The following NPHP3 variants were observed in gnomAD, a reference collection of about 807,000 sequenced individuals.
NPHP3 encodes nephrocystin 3.
A neutral mutation model predicts 171.9 loss-of-function variants in NPHP3; 123 were observed. The observed-to-expected ratio is 0.72, with a 90% CI of 0.62 to 0.83. NPHP3 has a LOEUF of 0.83. Ranked by LOEUF, NPHP3 falls within the 40% of genes least tolerant of loss-of-function variation. The pLI, the probability that NPHP3 is intolerant of heterozygous loss-of-function variation, is 0.00. For synonymous variants in NPHP3, 558 were observed against 579.2 expected (o/e 0.96, Z 0.52); for missense variants, 1,506 against 1,591.9 (o/e 0.95, Z 0.92).
Position 132,681,807 on chromosome 3 carries a change from T to C in NPHP3, c.*103A>G, listed in dbSNP as rs148415169. 1,148 of 1,002,604 alleles carry C rather than the reference T, an allele frequency of 1.1e-3. 6 individuals carry two copies. The highest frequency in any genetic ancestry group is 1.3e-4 in the Non-Finnish European group (86 of 640,992). The allele number at this position is 1,002,604 out of a possible 1,614,324, so 62.1% of individuals were successfully genotyped here. A position where few individuals can be genotyped will look rare whatever the true frequency, so the allele number is the denominator to read the frequency against. On this transcript the variant is annotated 3_prime_UTR_variant, in exon 27 of 27. Coordinates refer to ENST00000337331, the MANE Select transcript of NPHP3 (RefSeq NM_153240.5). ...CAAATAGCAGTTAAATCACACGTAG[T>C]AAAATTTCGTACAACATTTTTTTAA...
chr3:132,709,204 GA>G (rs1051299125), intron 6 of NPHP3, among the ~76,000 whole-genome samples: 4 of 142,648 alleles, frequency 2.8e-5, no homozygotes, highest in African/African-American at 1.0e-4. Flanking sequence ...GAAAATTCTA[GA>G]AAAAAAAGTC....
Position 132,722,127 on chromosome 3 carries a change from T to C in NPHP3, c.229A>G (p.Thr77Ala). Residue 77 changes from threonine to alanine, a missense_variant, in exon 1 of 27, where the codon ACT becomes GCT. Physicochemically the swap from Thr to Ala is moderately conservative, Grantham distance 58 (BLOSUM62 0). This residue lies in a region of NPHP3 where 930 missense variants were observed against 924.9 expected (regional missense o/e 1.01). Coordinates refer to ENST00000337331, the MANE Select transcript of NPHP3 (RefSeq NM_153240.5). ...TCCAGCTCTGGCACCGACGAGCCAG[T>C]GGACTTGAAGCTGGCCCCCAGCAGC... Reference protein sequence around the residue: ...GGLLGASFKSTGSSVPELEYA... With the variant: ...GGLLGASFKSAGSSVPELEYA... 5 of 1,605,618 alleles carry C rather than the reference T, an allele frequency of 3.1e-6. No homozygotes were observed. Among genetic ancestry groups the C allele is most frequent in the Non-Finnish European group, 4.2e-6 (5 of 1,179,194 alleles).
At chr3:132,716,236 G>C (rs1301666519) in intron 4 of NPHP3, among the ~76,000 whole-genome samples, 1 of 152,048 alleles carries the variant, frequency 6.6e-6, no homozygotes, top group African/African-American at 2.4e-5. Flanking sequence ...TATATAAATA[G>C]TTGTTATACT....
intron 1 of NPHP3, among the ~76,000 whole-genome samples, chr3:132,720,723 T>C (rs1031393073): frequency 1.3e-5 from 2 of 152,116 alleles, no homozygotes; most frequent in Admixed American, 6.5e-5. Context: ...GACAGGAGGC[T>C]TTTTTTCTTT....
chr3:132,685,167 G>GT (rs1560000381), intron 23 of NPHP3: 3 of 244,050 alleles, frequency 1.2e-5, no homozygotes, highest in African/African-American at 4.6e-5. Context: ...TCTTTATTTT[G>GT]TTTTTTTGTA....
At chr3:132,684,512 T>C (rs1939106168) in intron 24 of NPHP3, 42 bp downstream of exon 24, 1 of 1,609,668 alleles carries the variant, frequency 6.2e-7, no homozygotes, top group Admixed American at 1.7e-5. Flanking sequence ...ATGGCTTAAC[T>C]GATATGTTAT....
chr3:132,720,417 CTGTT>C (rs1309551560), intron 1 of NPHP3, among the ~76,000 whole-genome samples: 1 of 152,202 alleles, frequency 6.6e-6, no homozygotes, highest in Non-Finnish European at 1.5e-5. Flanking sequence ...GCACTCCGCC[CTGTT>C]TGGTTTGGCC....
chr3:132,715,388 C>G (rs1007228685), intron 4 of NPHP3, among the ~76,000 whole-genome samples, 170 bp from the exon 5 acceptor site: 1 of 152,212 alleles, frequency 6.6e-6, no homozygotes, highest in African/African-American at 2.4e-5. Flanking sequence ...TTTCTAAACT[C>G]AAATTCTATC....
intron 6 of NPHP3, 26 bp from the exon 7 acceptor site, chr3:132,708,283 T>C (rs1417863708): frequency 5.6e-6 from 9 of 1,609,254 alleles, no homozygotes; most frequent in Admixed American, 1.7e-5. Flanking sequence ...GCATTTTGTG[T>C]GCTATACTGC....
intron 19 of NPHP3, among the ~76,000 whole-genome samples, chr3:132,690,195 G>A (rs1009489131): frequency 3.9e-5 from 6 of 152,164 alleles, no homozygotes; most frequent in African/African-American, 1.2e-4. Context: ...TGAAGGCTAC[G>A]CTTTCAGATA....
intron 17 of NPHP3, 67 bp from the exon 18 acceptor site, chr3:132,691,353 T>C (rs1196522427): frequency 9.2e-7 from 1 of 1,088,258 alleles, no homozygotes; most frequent in Non-Finnish European, 1.4e-6. Context: ...AACAAGAGAT[T>C]TGCAAAAAAG....
chr3:132,684,725 GT>G lies in NPHP3; in HGVS notation c.3398del (p.Asp1133AlafsTer6). On this transcript the variant is annotated frameshift_variant, in exon 24 of 27. Coordinates refer to ENST00000337331, the MANE Select transcript of NPHP3 (RefSeq NM_153240.5). LOFTEE classifies it high-confidence loss of function. ...RERVLGPDHP[D>X]CAQSLNNLAA... ...CCAGATTATTCAAAGACTGAGCACA[GT>G]CAGGGTGATCTGGTCCTAGAACTCG... is the stretch of plus-strand genomic sequence containing the variant. The G allele has an allele frequency of 6.2e-7, 1 of 1,614,040 alleles. No individual in the cohort carries two copies. The highest frequency in any genetic ancestry group is 1.1e-5 in the South Asian group (1 of 91,080).
chr3:132,704,163 C>T (rs368335313), intron 9 of NPHP3, 35 bp downstream of exon 9: 3 of 1,590,658 alleles, frequency 1.9e-6, no homozygotes, highest in Non-Finnish European at 2.6e-6. Flanking sequence ...TAAGTGGTGA[C>T]AGATCTTTGT....
chr3:132,688,862 C>A lies in NPHP3; in HGVS notation c.2913G>T (p.Glu971Asp), dbSNP rs139196419. The A allele has an allele frequency of 1.9e-6, 3 of 1,613,940 alleles. No individual in the cohort carries two copies. In the African/African-American group the frequency reaches 4.0e-5, roughly 22 times the overall value. The change falls in exon 21 of 27, where the codon GAG becomes GAT. Residue 971 changes from glutamate (E) to aspartate (D), a missense_variant. Coordinates refer to ENST00000337331, the MANE Select transcript of NPHP3 (RefSeq NM_153240.5). ...CGGGATCTAAAGCTGTTTCTCGAAT[C>A]TCTAAAGACCTCTGCAAAGGTACTA... Reference protein sequence around the residue: ...QAIVPLQRSLEIRETALDPDH... With the variant: ...QAIVPLQRSLDIRETALDPDH...
In NPHP3 at chr3:132,687,130, A is replaced by G. The variant is rs1165939828; in HGVS notation, c.3201+21T>C. ...TTTCCTCTTACGTTCAAAACACAACACAAAAGAAATCTCTCCTTACCAAGT... is the reference window on the plus strand; with the variant it reads ...TTTCCTCTTACGTTCAAAACACAACGCAAAAGAAATCTCTCCTTACCAAGT... On this transcript the variant is annotated intron_variant, in intron 22 of 26. Coordinates refer to ENST00000337331, the MANE Select transcript of NPHP3 (RefSeq NM_153240.5). The G allele has an allele frequency of 4.9e-6, 6 of 1,236,810 alleles. No individual in the cohort carries two copies. The South Asian group carries it at 7.2e-5, about 15-fold the overall frequency. The allele number at this position is 1,236,810 out of a possible 1,614,324, so 76.6% of individuals were successfully genotyped here. A position where few individuals can be genotyped will look rare whatever the true frequency, so the allele number is the denominator to read the frequency against.
At chr3:132,720,275 T>C (rs1383489084) in intron 1 of NPHP3, among the ~76,000 whole-genome samples, 1 of 152,206 alleles carries the variant, frequency 6.6e-6, no homozygotes, top group Non-Finnish European at 1.5e-5. Context: ...CTCCAGTAAA[T>C]GTCTGACACA....
chr3:132,696,850 C>T (rs528236972), intron 14 of NPHP3, 37 bp from the exon 15 acceptor site: 1 of 1,537,902 alleles, frequency 6.5e-7, no homozygotes, highest in African/African-American at 1.4e-5. Context: ...AACAGAAATA[C>T]AAAAACCACC....
At chr3:132,702,026 AAAAC>A (rs373198014) in intron 9 of NPHP3, among the ~76,000 whole-genome samples, 87 of 152,136 alleles carry the variant, frequency 5.7e-4, no homozygotes, top group Non-Finnish European at 7.5e-4. Flanking sequence ...ACTCCGTCTC[AAAAC>A]AAACAAACAA....
At chr3:132,713,411 T>A in intron 5 of NPHP3, 125 bp from the exon 6 acceptor site, 1 of 525,550 alleles carries the variant, frequency 1.9e-6, no homozygotes, top group Non-Finnish European at 3.2e-6. Flanking sequence ...TCATATAAAA[T>A]TTTAAAAATA....
Sources: gnomAD v4.1 joint callset for allele counts (sites outside exome capture counted in the v4.1 genomes callset) on GRCh38, gnomAD v4.1.1 for gene constraint, gnomAD v4.1.1 regional missense constraint, MANE v1.5 for transcripts, NCBI Gene and HGNC (gene_info 2026-07-23, HGNC 2026-07-21) for gene names.